PRRT1: variants seen among roughly 807,000 people sequenced by gnomAD.
PRRT1 encodes the protein proline rich transmembrane protein 1.
PRRT1 carries 8 observed loss-of-function variants against 22.6 expected under a neutral mutation model. The ratio of observed to expected loss-of-function variants is 0.35; its 90% CI spans 0.21 to 0.64. The LOEUF is 0.64. PRRT1 is among the 30% of genes least tolerant of loss of function. The pLI is 0.69. For synonymous variants in PRRT1, 176 were observed against 203.6 expected, an observed-to-expected ratio of 0.86 and a Z score of 1.15; for missense variants, 315 against 444.5, an observed-to-expected ratio of 0.71 and a Z score of 2.62.
rs768664519 is a variant in PRRT1, at chr6:32,150,623, G to A, written c.303C>T (p.Cys101=). Residue 101 remains cysteine, a synonymous_variant, in exon 2 of 4, where the codon TGC becomes TGT. Coordinates refer to ENST00000211413, the MANE Select transcript of PRRT1 (RefSeq NM_030651.4). This position sits in a 1 kb window ranked among gnomAD's most constrained non-coding sequence, Gnocchi z 7.2. ...CGGGTGGCATGCGGGGCAAGGTAGC[G>A]CAGCCGGGTGGGGGTGCCCCGGCAG... is the stretch of plus-strand genomic sequence containing the variant. ...GPAAGAPPPG[C]ATLPRMPPDP... 8.5e-6 allele frequency: 12 copies of A among 1,413,530 alleles called. No individual in the cohort carries two copies. Among genetic ancestry groups the A allele is most frequent in the Non-Finnish European group, 1.0e-5 (11 of 1,088,944 alleles). 87.6% of individuals were successfully genotyped at this position (1,413,530 alleles called of 1,614,324 possible). A position where few individuals can be genotyped will look rare whatever the true frequency, so the allele number is the denominator to read the frequency against.
At position 32,151,848 on chromosome 6, in the gene PRRT1, A is replaced by G; in HGVS notation, c.-21T>C. On this transcript the variant is annotated 5_prime_UTR_variant, in exon 1 of 4. Coordinates refer to ENST00000211413, the MANE Select transcript of PRRT1 (RefSeq NM_030651.4). ...GACATGCCTGCGGTCTCGCTGGGACAGGGTCCCTGCAGCCGGAGTGGGGGT... is the reference window on the plus strand; with the variant it reads ...GACATGCCTGCGGTCTCGCTGGGACGGGGTCCCTGCAGCCGGAGTGGGGGT... 1.9e-6 allele frequency: 3 copies of G among 1,608,258 alleles called. No individual in the cohort carries two copies. Among genetic ancestry groups the G allele is most frequent in the Non-Finnish European group, 2.5e-6 (3 of 1,177,918 alleles).
rs1417703176 is a variant in PRRT1 at position 32,150,276 on chromosome 6, T to A, written c.558+92A>T. ...AACACTACCTGTTCCCTGCCCTTGT[T>A]CCTCTATCCTACCAGCCCCCAGCGT... On this transcript the variant is annotated intron_variant, in intron 2 of 3. Coordinates refer to ENST00000211413, the MANE Select transcript of PRRT1 (RefSeq NM_030651.4). This position sits in a 1 kb window ranked among gnomAD's most constrained non-coding sequence, Gnocchi z 7.2. 5 of 1,443,996 alleles carry A rather than the reference T, an allele frequency of 3.5e-6. No homozygotes were observed. The highest frequency in any genetic ancestry group is 4.6e-6 in the Non-Finnish European group (5 of 1,097,030). The allele number at this position is 1,443,996 out of a possible 1,614,324, so 89.4% of individuals were successfully genotyped here.
At position 32,149,608 on chromosome 6, in the gene PRRT1, G is replaced by T; in HGVS notation, c.673C>A (p.Pro225Thr). Residue 225 changes from proline (P) to threonine (T), a missense_variant, in exon 3 of 4, where the codon CCC (proline) becomes ACC (threonine). By Grantham distance (38) the Pro-to-Thr change is conservative. Around this residue, in one of 4 missense-constraint regions of PRRT1, gnomAD observed 263 missense variants for 328.5 expected, o/e 0.80. Coordinates refer to ENST00000211413, the MANE Select transcript of PRRT1 (RefSeq NM_030651.4). This position sits in a 1 kb window ranked among gnomAD's most constrained non-coding sequence, Gnocchi z 8.7. ...CAGATGGTGGTCAGCACCGCGATGG[G>T]CATGTAGTCGTGTGGCGGGCGCCTC... The part of the protein sequence containing the change: ...EPRRPPHDYM[P>T]IAVLTTICCF... 1 of 1,613,088 alleles carries T rather than the reference G, an allele frequency of 6.2e-7. No individual in the cohort carries two copies. Among genetic ancestry groups the T allele is most frequent in the Middle Eastern group, 1.7e-4 (1 of 6,060 alleles).
Position 32,149,750 on chromosome 6 carries a change from G to A in PRRT1, c.559-28C>T. 1 of 1,450,360 alleles carries A rather than the reference G, an allele frequency of 6.9e-7. No homozygotes were observed. Among genetic ancestry groups the A allele is most frequent in the Non-Finnish European group, 9.3e-7 (1 of 1,075,604 alleles). The allele number at this position is 1,450,360 out of a possible 1,614,324, so 89.8% of individuals were successfully genotyped here. The stretch of plus-strand genomic sequence containing the variant: ...GTGGAAGGAAATTTGGGGGGCAGGG[G>A]CATCACTCTGACCCTCTCCCAGCCT... On this transcript the variant is annotated intron_variant, in intron 2 of 3. Transcript: ENST00000211413. The surrounding 1 kb of genome is among the most constrained non-coding windows in gnomAD (Gnocchi z 8.7).
chr6:32,149,789 G>A lies in PRRT1; in HGVS notation c.559-67C>T, dbSNP rs1783160867. The A allele has an allele frequency of 2.8e-6, 3 of 1,090,214 alleles. No homozygotes were observed. Among genetic ancestry groups the A allele is most frequent in the Admixed American group, 5.7e-5 (2 of 35,182 alleles). The allele number at this position is 1,090,214 out of a possible 1,614,324, so 67.5% of individuals were successfully genotyped here. ...CTCTCCCAGCCTACCAGCGTTGGGC[G>A]GCTGGCAGAGTGGCTTTAAAAGCAC... On this transcript the variant is annotated intron_variant, in intron 2 of 3. Coordinates refer to ENST00000211413, the MANE Select transcript of PRRT1 (RefSeq NM_030651.4). The surrounding 1 kb of genome is among the most constrained non-coding windows in gnomAD (Gnocchi z 8.7).
upstream of PRRT1, chr6:32,151,951 CG>C (rs1252634774): frequency 0.29 from 61,041 of 208,266 alleles, 2,138 homozygotes; most frequent in African/African-American, 0.45. Context: ...AAGGCAGCGG[CG>C]GGGGGGGGGG....
In PRRT1 at chr6:32,150,137, A is replaced by G. The variant is rs1783177434; in HGVS notation, c.558+231T>C. On this transcript the variant is annotated intron_variant, in intron 2 of 3. Coordinates refer to ENST00000211413, the MANE Select transcript of PRRT1 (RefSeq NM_030651.4). This position sits in a 1 kb window ranked among gnomAD's most constrained non-coding sequence, Gnocchi z 7.2. ...ACTTTCAGACCTCCTCTGAACCTCT[A>G]GGCTCCGATCCCCCTCCCAGGCCCT... 2.6e-5 allele frequency among the ~76,000 whole-genome samples: 4 copies of G among 151,078 alleles called. No homozygotes were observed. The South Asian group carries it at 8.4e-4, about 32-fold the overall frequency.
intron 1 of PRRT1, chr6:32,151,426 C>A: frequency 2.4e-6 from 1 of 424,922 alleles, no homozygotes. Flanking sequence ...AAGAAGAGCC[C>A]TCTGGATTTT....
chr6:32,148,720 A>G lies in PRRT1; in HGVS notation c.*502T>C, dbSNP rs1031890499. On this transcript the variant is annotated 3_prime_UTR_variant, in exon 4 of 4. Transcript: ENST00000211413. The surrounding 1 kb of genome is among the most constrained non-coding windows in gnomAD (Gnocchi z 5.7). ...AGGAGTGTGGGGGCCTTACTACCCCAGGGCTCGGTCCTTTTGCCGGAAGAA... is the reference window on the plus strand; with the variant it reads ...AGGAGTGTGGGGGCCTTACTACCCCGGGGCTCGGTCCTTTTGCCGGAAGAA... 4.2e-5 allele frequency: 19 copies of G among 452,824 alleles called. No individual in the cohort carries two copies. The highest frequency in any genetic ancestry group is 3.8e-4 in the Admixed American group (16 of 41,742). 28.1% of individuals were successfully genotyped at this position (452,824 alleles called of 1,614,324 possible).
At chr6:32,151,201 C>T in intron 1 of PRRT1, 2 of 650,436 alleles carry the variant, frequency 3.1e-6, no homozygotes, top group Non-Finnish European at 2.8e-6. Context: ...GACCTAATCC[C>T]CTCTCCTTTG....
Position 32,150,837 on chromosome 6 carries a change from G to A in PRRT1, c.89C>T (p.Pro30Leu). 1.9e-6 allele frequency: 3 copies of A among 1,579,040 alleles called. No individual in the cohort carries two copies. The highest frequency in any genetic ancestry group is 1.7e-6 in the Non-Finnish European group (2 of 1,163,740). The change falls in exon 2 of 4, where the codon CCA (proline) becomes CTA (leucine). Residue 30 changes from proline (P) to leucine (L), a missense_variant. This residue lies in a region of PRRT1 where 263 missense variants were observed against 328.5 expected (regional missense o/e 0.80). Transcript: ENST00000211413. This position sits in a 1 kb window ranked among gnomAD's most constrained non-coding sequence, Gnocchi z 7.2. ...AGGGGCTGCCTGTGGCGGTGGGGCT[G>A]GGGGTTCGGCTGGAGGCTGAGGGGC... Reference protein sequence around the residue: ...YNAPQPPAEPPAPPPQAAPSS... With the variant: ...YNAPQPPAEPLAPPPQAAPSS...
In PRRT1 at chr6:32,150,239, G is replaced by A; in HGVS notation, c.558+129C>T. The A allele has an allele frequency of 8.4e-7, 1 of 1,185,468 alleles. No homozygotes were observed. Among genetic ancestry groups the A allele is most frequent in the Admixed American group, 3.5e-5 (1 of 28,824 alleles). 73.4% of individuals were successfully genotyped at this position (1,185,468 alleles called of 1,614,324 possible). On this transcript the variant is annotated intron_variant, in intron 2 of 3. Coordinates refer to ENST00000211413, the MANE Select transcript of PRRT1 (RefSeq NM_030651.4). The surrounding 1 kb of genome is among the most constrained non-coding windows in gnomAD (Gnocchi z 7.2). ...TGTCTCAGGCTCCCTTCTTTCTAGGGCTTGTCCCGGGAACACTACCTGTTC... is the reference window on the plus strand; with the variant it reads ...TGTCTCAGGCTCCCTTCTTTCTAGGACTTGTCCCGGGAACACTACCTGTTC...
At position 32,149,252 on chromosome 6, in the gene PRRT1, C is replaced by A; in HGVS notation, c.891G>T (p.Ala297=). Residue 297 remains alanine, a synonymous_variant, in exon 4 of 4, where the codon GCG becomes GCT. Transcript: ENST00000211413. This position sits in a 1 kb window ranked among gnomAD's most constrained non-coding sequence, Gnocchi z 8.7. ...GATCCCAGTAGTTCTCGTGGTGCTG[C>A]GCGGCGATGATGATGACTACGGTGA... The part of the protein sequence containing the change: ...TILTVVIIIA[A]QHHENYWDP 1 of 1,611,748 alleles carries A rather than the reference C, an allele frequency of 6.2e-7. No individual in the cohort carries two copies. The highest frequency in any genetic ancestry group is 2.2e-5 in the East Asian group (1 of 44,864).
In PRRT1 at chr6:32,149,098, C is replaced by T. The variant is rs771638828; in HGVS notation, c.*124G>A. On this transcript the variant is annotated 3_prime_UTR_variant, in exon 4 of 4. Coordinates refer to ENST00000211413, the MANE Select transcript of PRRT1 (RefSeq NM_030651.4). The surrounding 1 kb of genome is among the most constrained non-coding windows in gnomAD (Gnocchi z 8.7). Reference sequence around the variant, plus strand: ...AGACGTTCCGTGGAGGCGGAGTTTACGATGTATCCAAGTCTGACGGCCCCA... The same window carrying T: ...AGACGTTCCGTGGAGGCGGAGTTTATGATGTATCCAAGTCTGACGGCCCCA... 2.9e-6 allele frequency: 3 copies of T among 1,034,096 alleles called. No individual in the cohort carries two copies. Among genetic ancestry groups the T allele is most frequent in the Admixed American group, 2.0e-5 (1 of 50,364 alleles). The allele number at this position is 1,034,096 out of a possible 1,614,324, so 64.1% of individuals were successfully genotyped here. A position where few individuals can be genotyped will look rare whatever the true frequency, so the allele number is the denominator to read the frequency against.
In PRRT1 at chr6:32,149,443, C is replaced by A; in HGVS notation, c.745-45G>T. ...GAAGGAGGTCAAAGAGCTGCGGCCT[C>A]GTTCGAACGCCTCAGCCTTTCTCTA... On this transcript the variant is annotated intron_variant, in intron 3 of 3. Coordinates refer to ENST00000211413, the MANE Select transcript of PRRT1 (RefSeq NM_030651.4). This position sits in a 1 kb window ranked among gnomAD's most constrained non-coding sequence, Gnocchi z 8.7. 1 of 1,593,548 alleles carries A rather than the reference C, an allele frequency of 6.3e-7. No individual in the cohort carries two copies. The highest frequency in any genetic ancestry group is 8.6e-7 in the Non-Finnish European group (1 of 1,167,652).
Position 32,150,392 on chromosome 6 carries a change from G to T in PRRT1, c.534C>A (p.Tyr178Ter). The T allele has an allele frequency of 6.4e-7, 1 of 1,552,742 alleles. No homozygotes were observed. The highest frequency in any genetic ancestry group is 8.6e-7 in the Non-Finnish European group (1 of 1,157,326). Reference sequence around the variant, plus strand: ...CCGTGCCCACCGGGTAGACCGGCACGTAAGCAGTGCAAGGCTGCAGCTGCA... The same window carrying T: ...CCGTGCCCACCGGGTAGACCGGCACTTAAGCAGTGCAAGGCTGCAGCTGCA... The part of the protein sequence containing the change: ...YPLQLQPCTA[Y>*]VPVYPVGTPY... Residue 178 changes from tyrosine (Y) to a stop codon, truncating the protein, a stop_gained, in exon 2 of 4, where the codon TAC becomes TAA. Transcript: ENST00000211413. LOFTEE classifies it high-confidence loss of function. This position sits in a 1 kb window ranked among gnomAD's most constrained non-coding sequence, Gnocchi z 7.2.
In PRRT1 at chr6:32,149,448, G is replaced by C; in HGVS notation, c.745-50C>G. 1 of 1,593,428 alleles carries C rather than the reference G, an allele frequency of 6.3e-7. No homozygotes were observed. The highest frequency in any genetic ancestry group is 8.6e-7 in the Non-Finnish European group (1 of 1,167,476). On this transcript the variant is annotated intron_variant, in intron 3 of 3. Coordinates refer to ENST00000211413, the MANE Select transcript of PRRT1 (RefSeq NM_030651.4). The surrounding 1 kb of genome is among the most constrained non-coding windows in gnomAD (Gnocchi z 8.7). ...AGGTCAAAGAGCTGCGGCCTCGTTC[G>C]AACGCCTCAGCCTTTCTCTAAGATG...
At position 32,151,867 on chromosome 6, in the gene PRRT1, TG is replaced by T; in HGVS notation, c.-41del. 1.9e-6 allele frequency: 3 copies of T among 1,593,304 alleles called. No individual in the cohort carries two copies. The highest frequency in any genetic ancestry group is 2.6e-6 in the Non-Finnish European group (3 of 1,170,102). Reference sequence around the variant, plus strand: ...TGGGACAGGGTCCCTGCAGCCGGAGTGGGGGTCCTCGGCCGGTGCTGGAGTC... The same window carrying T: ...TGGGACAGGGTCCCTGCAGCCGGAGTGGGGTCCTCGGCCGGTGCTGGAGTC... On this transcript the variant is annotated 5_prime_UTR_variant, in exon 1 of 4. Coordinates refer to ENST00000211413, the MANE Select transcript of PRRT1 (RefSeq NM_030651.4).
At chr6:32,153,029 C>CA (rs1302358350), upstream of PRRT1, 1 of 158,424 alleles carries the variant, frequency 6.3e-6, no homozygotes, top group Non-Finnish European at 1.4e-5. The surrounding 1 kb of genome is among the most constrained non-coding windows in gnomAD (Gnocchi z 4.4). Context: ...GCAGAGACTA[C>CA]AGAGCAGTAC....
Sources: gnomAD v4.1 joint callset for allele counts (sites outside exome capture counted in the v4.1 genomes callset) on GRCh38, gnomAD v4.1.1 for gene constraint, gnomAD v4.1.1 regional missense constraint, Gnocchi (gnomAD v3.1) non-coding constraint, MANE v1.5 for transcripts, NCBI Gene and HGNC (gene_info 2026-07-23, HGNC 2026-07-21) for gene names.